NELL1: variants seen among roughly 807,000 people sequenced by gnomAD.
The protein encoded by NELL1 is neural EGFL like 1, also known as protein kinase C-binding protein NELL1.
NELL1 carries 76 observed loss-of-function variants against 107.4 expected under a neutral mutation model. The observed-to-expected ratio is 0.71, with a 90% confidence interval of 0.59 to 0.86. NELL1 has a LOEUF of 0.86. Among genes scored for constraint, NELL1 ranks in the 40% least tolerant of loss-of-function variants. NELL1 has a pLI of 0.00. For synonymous variants in NELL1, 353 were observed against 341.2 expected (o/e 1.03, Z -0.38); for missense variants, 1,024 against 1,005.5 (o/e 1.02, Z -0.25).
intron 14 of NELL1, among the ~76,000 whole-genome samples, chr11:21,283,278 A>G (rs7946805): frequency 0.02 from 3,105 of 152,252 alleles, 112 homozygotes; most frequent in African/African-American, 0.071. Flanking sequence ...TCTCATAGCA[A>G]TCTATAAATA....
chr11:20,900,763 G>A (rs954313738), intron 5 of NELL1, among the ~76,000 whole-genome samples: 87 of 152,168 alleles, frequency 5.7e-4, no homozygotes, highest in Non-Finnish European at 5.3e-4. Context: ...GTATGTATGC[G>A]TGTGTGTCTG....
intron 13 of NELL1, among the ~76,000 whole-genome samples, chr11:21,169,069 GC>G: frequency 6.6e-6 from 1 of 151,988 alleles, no homozygotes; most frequent in Non-Finnish European, 1.5e-5. Flanking sequence ...ACCCGGGATT[GC>G]CTGAAGGATA....
chr11:21,294,817 G>T (rs1483240391), intron 14 of NELL1, among the ~76,000 whole-genome samples: 1 of 151,954 alleles, frequency 6.6e-6, no homozygotes, highest in African/African-American at 2.4e-5. Context: ...TGTGAAAGTG[G>T]ACTAGGTTTC....
At chr11:21,355,035 G>A (rs1214042903) in intron 14 of NELL1, among the ~76,000 whole-genome samples, 1 of 152,152 alleles carries the variant, frequency 6.6e-6, no homozygotes, top group Non-Finnish European at 1.5e-5. Context: ...ATTTTGAACT[G>A]CTTTCAGAGG....
At chr11:20,870,702 A>C (rs1011267739) in intron 4 of NELL1, among the ~76,000 whole-genome samples, 1 of 152,224 alleles carries the variant, frequency 6.6e-6, no homozygotes, top group African/African-American at 2.4e-5. Flanking sequence ...TAACTTTTTG[A>C]TTAAACAGCT....
At chr11:21,219,167 G>C (rs984747276) in intron 13 of NELL1, among the ~76,000 whole-genome samples, 2 of 151,936 alleles carry the variant, frequency 1.3e-5, no homozygotes, top group African/African-American at 4.8e-5. Flanking sequence ...TTCGATATAG[G>C]CCATTTTAAC....
chr11:21,250,265 AAACC>A (rs2133909406), intron 14 of NELL1, among the ~76,000 whole-genome samples: 1 of 152,298 alleles, frequency 6.6e-6, no homozygotes, highest in South Asian at 2.1e-4. Flanking sequence ...TATTTAACAT[AAACC>A]TGATTTGCAG....
chr11:21,054,455 G>A (rs1404800338), intron 12 of NELL1, among the ~76,000 whole-genome samples: 1 of 151,716 alleles, frequency 6.6e-6, no homozygotes, highest in African/African-American at 2.4e-5. Context: ...TACAGTACTT[G>A]GAATGGCTAA....
At chr11:21,184,289 G>GAA (rs1856887803) in intron 13 of NELL1, among the ~76,000 whole-genome samples, 1 of 151,616 alleles carries the variant, frequency 6.6e-6, no homozygotes, top group South Asian at 2.1e-4. Flanking sequence ...TTGTTTTTGA[G>GAA]ATGGAGTCTT....
rs558500126 is a variant in NELL1 at position 21,173,503 on chromosome 11, T to C, written c.1427-55829T>C. Among the ~76,000 whole-genome samples, 66 of 152,008 alleles carry C rather than the reference T, an allele frequency of 4.3e-4. 1 individual carries two copies. The highest frequency in any genetic ancestry group is 1.6e-3 in the African/African-American group (65 of 41,272). On this transcript the variant is annotated intron_variant, in intron 13 of 19. Transcript: ENST00000357134. ...TCTTAAACTTTAATACCCACCTTTTTCATGAAGACTTTCCTCACTACTCCA... is the reference window on the plus strand; with the variant it reads ...TCTTAAACTTTAATACCCACCTTTTCCATGAAGACTTTCCTCACTACTCCA...
At chr11:21,448,910 C>G (rs192638777) in intron 15 of NELL1, among the ~76,000 whole-genome samples, 30 of 152,050 alleles carry the variant, frequency 2.0e-4, no homozygotes, top group African/African-American at 6.5e-4. Flanking sequence ...TTTTTAATAC[C>G]AAATAGTATT....
At chr11:21,166,306 AAAT>A (rs1856480525) in intron 13 of NELL1, among the ~76,000 whole-genome samples, 1 of 151,822 alleles carries the variant, frequency 6.6e-6, no homozygotes, top group Non-Finnish European at 1.5e-5. Flanking sequence ...TGGAAAGAAT[AAAT>A]AAGATGTAGT....
intron 2 of NELL1, among the ~76,000 whole-genome samples, chr11:20,708,973 T>C (rs1362567884): frequency 6.6e-6 from 1 of 152,132 alleles, no homozygotes; most frequent in Non-Finnish European, 1.5e-5. Context: ...ATTCCTTGCA[T>C]GCACAGTTCA....
At chr11:21,484,319 G>A (rs899124065) in intron 15 of NELL1, among the ~76,000 whole-genome samples, 1 of 150,510 alleles carries the variant, frequency 6.6e-6, no homozygotes, top group Non-Finnish European at 1.5e-5. Flanking sequence ...CACCATTTTG[G>A]TGACCGTTCT....
chr11:21,429,053 C>A (rs1356703417), intron 15 of NELL1, among the ~76,000 whole-genome samples: 1 of 152,084 alleles, frequency 6.6e-6, no homozygotes, highest in African/African-American at 2.4e-5. Flanking sequence ...AAATAATAGA[C>A]CTTTTCATTT....
intron 2 of NELL1, among the ~76,000 whole-genome samples, chr11:20,748,128 T>C (rs1371533177): frequency 6.6e-6 from 1 of 152,162 alleles, no homozygotes; most frequent in East Asian, 1.9e-4. Context: ...TCTTGCTCCA[T>C]CTGCAGTGGA....
chr11:21,406,935 C>T (rs1443194682), intron 15 of NELL1, among the ~76,000 whole-genome samples: 2 of 152,180 alleles, frequency 1.3e-5, no homozygotes, highest in Non-Finnish European at 1.5e-5. Flanking sequence ...TTCTACCCAA[C>T]TGTATGTTTA....
intron 13 of NELL1, among the ~76,000 whole-genome samples, chr11:21,182,425 A>T (rs1212365782): frequency 6.9e-6 from 1 of 144,164 alleles, no homozygotes; most frequent in Non-Finnish European, 1.5e-5. Flanking sequence ...ACAGAGTGAG[A>T]CTCCGTCTCA....
intron 14 of NELL1, among the ~76,000 whole-genome samples, chr11:21,270,638 C>G (rs1848720597): frequency 6.6e-6 from 1 of 152,072 alleles, no homozygotes; most frequent in African/African-American, 2.4e-5. Context: ...GCAGAAAATT[C>G]TTAAGGACAT....
Sources: gnomAD v4.1 joint callset for allele counts (sites outside exome capture counted in the v4.1 genomes callset) on GRCh38, gnomAD v4.1.1 for gene constraint, MANE v1.5 for transcripts, NCBI Gene and HGNC (gene_info 2026-07-23, HGNC 2026-07-21) for gene names.